NBPF14: variants seen among roughly 807,000 people sequenced by gnomAD.
The protein encoded by NBPF14 is NBPF member 14, also known as NBPF family member NBPF14.
In NBPF14, 104 loss-of-function variants were observed where a neutral mutation model predicts 91.2. The observed-to-expected ratio is 1.14, with a 90% CI of 0.97 to 1.34. NBPF14 has a LOEUF of 1.34. NBPF14 is among the 40% of genes most tolerant of loss of function. The probability of loss-of-function intolerance (pLI) is 0.00; values close to 1 mark genes in which losing one functional copy is unlikely to be tolerated. For synonymous variants in NBPF14, 294 were observed against 303.8 expected, an observed-to-expected ratio of 0.97 and a Z score of 0.34; for missense variants, 908 against 783.0, an observed-to-expected ratio of 1.16 and a Z score of -1.91.
In NBPF14 at chr1:148,535,325, C is replaced by T; in HGVS notation, c.8441+128G>A. ...AAACATCTACTGCAATGAAAACCAA[C>T]AGCAATGTCAGTAGGAGTAATTCAA... On this transcript the variant is annotated intron_variant, in intron 68 of 70. Coordinates refer to ENST00000619423, the Ensembl canonical transcript of NBPF14. 3 of 601,198 alleles carry T rather than the reference C, an allele frequency of 5.0e-6. No individual in the cohort carries two copies. In the South Asian group the frequency reaches 5.9e-5, roughly 12 times the overall value. 37.2% of individuals were successfully genotyped at this position (601,198 alleles called of 1,614,324 possible).
chr1:148,577,685 C>T (rs1385931681), intron 14 of NBPF14, among the ~76,000 whole-genome samples: 2 of 147,080 alleles, frequency 1.4e-5, no homozygotes, highest in South Asian at 2.2e-4. Context: ...GAACAGTGAT[C>T]ATGAAAAGCA....
At chr1:148,533,908 T>C (rs1247798281) in exon 70 of NBPF14, 3 of 753,978 alleles carry the variant, frequency 4.0e-6, no homozygotes, top group Non-Finnish European at 7.2e-6. Context: ...TTCTTCCCCT[T>C]CTTCTTTCCT....
chr1:148,534,555 A>T, intron 69 of NBPF14, 129 bp downstream of exon 69: 1 of 727,482 alleles, frequency 1.4e-6, no homozygotes, highest in Non-Finnish European at 2.5e-6. Flanking sequence ...ATTACAACCT[A>T]TATGCGCCCA....
intron 10 of NBPF14, 141 bp downstream of exon 10, chr1:148,585,000 G>A (rs1661276586): frequency 2.3e-6 from 2 of 858,052 alleles, no homozygotes; most frequent in Non-Finnish European, 3.9e-6. Flanking sequence ...CGCACCCTGT[G>A]TCTAAGCTGG....
chr1:148,585,255 C>A, intron 9 of NBPF14, 42 bp from the exon 10 acceptor site: 2 of 1,578,956 alleles, frequency 1.3e-6, no homozygotes, highest in South Asian at 1.1e-5. Flanking sequence ...TCCCACTTCA[C>A]AGTCTGCAAG....
chr1:148,566,545 AC>A (rs1658417769), intron 28 of NBPF14, among the ~76,000 whole-genome samples: 9 of 122,186 alleles, frequency 7.4e-5, no homozygotes, highest in Admixed American at 6.3e-4. Context: ...ACACACAAAC[AC>A]ACACACACAC....
intron 5 of NBPF14, among the ~76,000 whole-genome samples, 200 bp downstream of exon 5, chr1:148,591,232 G>C (rs1287322564): frequency 6.7e-6 from 1 of 148,392 alleles, no homozygotes; most frequent in African/African-American, 2.4e-5. Context: ...AGCTATCCCT[G>C]TATGGTACAG....
intron 67 of NBPF14, among the ~76,000 whole-genome samples, chr1:148,535,999 G>C (rs1170102443): frequency 6.6e-6 from 1 of 150,598 alleles, no homozygotes; most frequent in African/African-American, 2.4e-5. Flanking sequence ...GTAGGATTAG[G>C]GCGCCACAGG....
chr1:148,535,115 G>C (rs1243298535), intron 68 of NBPF14, among the ~76,000 whole-genome samples: 2 of 146,370 alleles, frequency 1.4e-5, no homozygotes, highest in Non-Finnish European at 3.0e-5. Context: ...CACTGATGAA[G>C]GGGTCAAAGG....
Position 148,572,372 on chromosome 1 carries a change from T to C in NBPF14, c.2758+71A>G. The C allele has an allele frequency of 1.4e-5, 5 of 359,860 alleles. 1 individual carries two copies. The highest frequency in any genetic ancestry group is 2.3e-5 in the Non-Finnish European group (5 of 214,728). 22.3% of individuals were successfully genotyped at this position (359,860 alleles called of 1,614,324 possible). On this transcript the variant is annotated intron_variant, in intron 21 of 70. Transcript: ENST00000619423. Reference sequence around the variant, plus strand: ...CGTCTCTCGGGTCAGTAAGGGGCACTTGGAACAGGAATATCACCCCTATCT... The same window carrying C: ...CGTCTCTCGGGTCAGTAAGGGGCACCTGGAACAGGAATATCACCCCTATCT...
intron 4 of NBPF14, 58 bp from the exon 5 acceptor site, chr1:148,591,562 C>A: frequency 6.2e-7 from 1 of 1,610,194 alleles, no homozygotes; most frequent in Admixed American, 1.7e-5. Flanking sequence ...CAAGCACAGT[C>A]AGCCCAACGT....
At chr1:148,562,035 C>T (rs1657921318) in intron 34 of NBPF14, among the ~76,000 whole-genome samples, 1 of 78,138 alleles carries the variant, frequency 1.3e-5, no homozygotes, top group Non-Finnish European at 2.2e-5. Flanking sequence ...GGTCCACCTA[C>T]AGTAGGTTAG....
rs1458479689 is a variant in NBPF14 at position 148,586,884 on chromosome 1, AG to A, written c.1091+416del. On this transcript the variant is annotated intron_variant, in intron 8 of 70. Coordinates refer to ENST00000619423, the Ensembl canonical transcript of NBPF14. ...AGATGGGGCGAATTGAAAAGATGAA[AG>A]AAGAAAAGAATGACAGGGTCGAGGA... Among the ~76,000 whole-genome samples, 2 of 142,064 alleles carry A rather than the reference AG, an allele frequency of 1.4e-5. 1 individual carries two copies. The highest frequency in any genetic ancestry group is 3.1e-5 in the Non-Finnish European group (2 of 63,802). 93.2% of individuals were successfully genotyped at this position (142,064 alleles called of 152,430 possible).
At chr1:148,577,753 T>A (rs1370915151) in intron 14 of NBPF14, among the ~76,000 whole-genome samples, 2 of 140,830 alleles carry the variant, frequency 1.4e-5, no homozygotes, top group Non-Finnish European at 3.0e-5. Flanking sequence ...ACCATGAGAA[T>A]ACAGCTTTTG....
rs781879300 is a variant in NBPF14, at chr1:148,533,250, T to C, written c.8724-2A>G. 1.5e-6 allele frequency: 1 copy of C among 686,234 alleles called. No homozygotes were observed. Among genetic ancestry groups the C allele is most frequent in the South Asian group, 2.1e-5 (1 of 48,580 alleles). 42.5% of individuals were successfully genotyped at this position (686,234 alleles called of 1,614,324 possible). ...ACTTCCATCAGCACGCCGTTGAGCC[T>C]GGAAAAGGAGACAAAACTAAAGAAG... On this transcript the variant is annotated splice_acceptor_variant, in intron 70 of 70. Coordinates refer to ENST00000619423, the Ensembl canonical transcript of NBPF14. LOFTEE classifies it high-confidence loss of function.
At chr1:148,560,324 TA>T (rs1657607844) in intron 36 of NBPF14, among the ~76,000 whole-genome samples, 1 of 132,688 alleles carries the variant, frequency 7.5e-6, no homozygotes, top group Non-Finnish European at 1.5e-5. Context: ...TAGTTTTCCA[TA>T]AAATATGCTC....
chr1:148,566,387 T>G (rs1295236666), intron 28 of NBPF14, 72 bp from the exon 29 acceptor site: 10 of 720,384 alleles, frequency 1.4e-5, no homozygotes, highest in Non-Finnish European at 2.3e-5. Flanking sequence ...CTAGGTTTCA[T>G]GGGTAGCATA....
At chr1:148,534,912 C>A (rs1489091435) in intron 68 of NBPF14, 56 bp from the exon 69 acceptor site, 10 of 723,728 alleles carry the variant, frequency 1.4e-5, no homozygotes, top group Admixed American at 1.0e-4. Context: ...AACCACACAG[C>A]CCCAGCTAGA....
chr1:148,587,197 C>A (rs1459891172), intron 8 of NBPF14, 104 bp downstream of exon 8: 5 of 977,440 alleles, frequency 5.1e-6, no homozygotes, highest in East Asian at 2.4e-5. Flanking sequence ...GCAATTCCTG[C>A]CCTTCCCCTG....
Sources: gnomAD v4.1 joint callset for allele counts (sites outside exome capture counted in the v4.1 genomes callset) on GRCh38, gnomAD v4.1.1 for gene constraint, MANE v1.5 for transcripts, NCBI Gene and HGNC (gene_info 2026-07-23, HGNC 2026-07-21) for gene names.